Variants in PDE10A observed in about 807,000 individuals in gnomAD.
The protein encoded by PDE10A is cAMP and cAMP-inhibited cGMP 3',5'-cyclic phosphodiesterase 10A.
In PDE10A, 39 loss-of-function variants were observed where a neutral mutation model predicts 97.7. That is an observed-to-expected ratio of 0.40 (90% confidence interval 0.31 to 0.52). The LOEUF (loss-of-function observed/expected upper bound fraction) is 0.52. PDE10A is among the 20% of genes least tolerant of loss of function. The pLI is 0.56. For missense variants in PDE10A, 731 were observed against 1,047.8 expected, an observed-to-expected ratio of 0.70 and a Z score of 4.17; for synonymous variants, 371 against 376.8, an observed-to-expected ratio of 0.98 and a Z score of 0.18.
intron 1 of PDE10A, among the ~76,000 whole-genome samples, chr6:165,748,682 G>A (rs777374621): frequency 1.2e-4 from 19 of 152,212 alleles, no homozygotes; most frequent in Non-Finnish European, 2.8e-4. Flanking sequence ...GCAAGGATGA[G>A]GGGCGGTCAT....
chr6:165,800,338 G>C (rs756954810), intron 1 of PDE10A, among the ~76,000 whole-genome samples: 3 of 152,170 alleles, frequency 2.0e-5, no homozygotes, highest in Non-Finnish European at 4.4e-5. Flanking sequence ...TGCCTGTAAA[G>C]GTGTAAGGAA....
At chr6:165,855,294 G>A (rs1383877977) in intron 1 of PDE10A, among the ~76,000 whole-genome samples, 3 of 89,504 alleles carry the variant, frequency 3.4e-5, no homozygotes, top group African/African-American at 1.3e-4. Context: ...CATAGGCGGC[G>A]CGGGAAGTGG....
intron 19 of PDE10A, among the ~76,000 whole-genome samples, chr6:165,341,448 T>A (rs1432603696): frequency 6.6e-6 from 1 of 152,252 alleles, no homozygotes; most frequent in Non-Finnish European, 1.5e-5. Flanking sequence ...TCTATAGTTA[T>A]GCCTTTCTCA....
chr6:165,633,753 G>T (rs3008041), intron 1 of PDE10A, among the ~76,000 whole-genome samples: 4 of 151,296 alleles, frequency 2.6e-5, no homozygotes, highest in Non-Finnish European at 5.9e-5. Flanking sequence ...TCAGCCTCCC[G>T]AGCAGCTGGG....
chr6:165,960,550 T>TCAAAGA (rs1158776926), intron 1 of PDE10A, among the ~76,000 whole-genome samples: 8 of 152,084 alleles, frequency 5.3e-5, no homozygotes, highest in Admixed American at 3.9e-4. Context: ...TTTTAGTACA[T>TCAAAGA]CAAAGACAAA....
In PDE10A at chr6:165,709,760, G is replaced by A. The variant is rs186625885; in HGVS notation, c.-614-166192C>T. ...CTGCCAGGCTCTCCCTCTGCGAGCC[G>A]CAACCATGGCTCTTTCCTTCCCGGC... On this transcript the variant is annotated intron_variant, in intron 1 of 19. Coordinates refer to the PDE10A transcript ENST00000366882. Among the ~76,000 whole-genome samples the A allele has an allele frequency of 4.3e-5, 6 of 140,008 alleles. No homozygotes were observed. The East Asian group carries it at 6.6e-4, about 15-fold the overall frequency. 91.9% of individuals were successfully genotyped at this position (140,008 alleles called of 152,430 possible). A position where few individuals can be genotyped will look rare whatever the true frequency, so the allele number is the denominator to read the frequency against.
chr6:165,397,432 G>C (rs1206990694), intron 13 of PDE10A, among the ~76,000 whole-genome samples: 1 of 152,140 alleles, frequency 6.6e-6, no homozygotes, highest in Non-Finnish European at 1.5e-5. Flanking sequence ...AATGAAGGCT[G>C]GGCAAGGTCA....
chr6:165,431,935 C>T (rs1165794453), intron 7 of PDE10A, among the ~76,000 whole-genome samples: 1 of 152,052 alleles, frequency 6.6e-6, no homozygotes, highest in Admixed American at 6.6e-5. Flanking sequence ...ATCTAATGAC[C>T]ACTTTAAATA....
intron 1 of PDE10A, among the ~76,000 whole-genome samples, chr6:165,720,201 G>A (rs1792130805): frequency 6.6e-6 from 1 of 152,142 alleles, no homozygotes; most frequent in African/African-American, 2.4e-5. Flanking sequence ...GGGGGAGAGA[G>A]GGTGTTCCTG....
rs539590892 is a variant in PDE10A, at chr6:165,359,841, C to T, written c.2784-16339G>A. Among the ~76,000 whole-genome samples the T allele has an allele frequency of 1.3e-3, 204 of 152,130 alleles. 2 individuals carry two copies. The highest frequency in any genetic ancestry group is 4.6e-3 in the African/African-American group (191 of 41,508). On this transcript the variant is annotated intron_variant, in intron 18 of 21. Coordinates refer to ENST00000539869, the MANE Select transcript of PDE10A (RefSeq NM_001385079.1). ...TTTTTGTTTACCAGTGCATTACAAA[C>T]GTAAACTCATCCCAGTTTGTGGGCT...
At chr6:165,467,531 G>A (rs1778728448) in intron 3 of PDE10A, among the ~76,000 whole-genome samples, 1 of 152,168 alleles carries the variant, frequency 6.6e-6, no homozygotes, top group African/African-American at 2.4e-5. Flanking sequence ...GACTCTGCCT[G>A]TGTTCTAGAA....
intron 1 of PDE10A, among the ~76,000 whole-genome samples, chr6:165,915,916 C>T (rs548016881): frequency 2.6e-5 from 4 of 152,294 alleles, no homozygotes; most frequent in East Asian, 3.9e-4. Flanking sequence ...TATGCTTCTG[C>T]GACAACCAAA....
At chr6:165,887,741 T>C (rs1264625424) in intron 1 of PDE10A, among the ~76,000 whole-genome samples, 2 of 152,194 alleles carry the variant, frequency 1.3e-5, no homozygotes, top group Non-Finnish European at 2.9e-5. Context: ...GTCTCACCTT[T>C]ATCTTTATTT....
chr6:165,498,544 A>C (rs904400079), intron 2 of PDE10A, among the ~76,000 whole-genome samples: 2 of 146,732 alleles, frequency 1.4e-5, no homozygotes, highest in Non-Finnish European at 3.0e-5. Flanking sequence ...CCCAGAATGT[A>C]TTGTTCACCT....
At chr6:165,421,882 C>T (rs2128232506) in intron 10 of PDE10A, among the ~76,000 whole-genome samples, 1 of 152,152 alleles carries the variant, frequency 6.6e-6, no homozygotes, top group Middle Eastern at 3.4e-3. Context: ...GGCAACATGG[C>T]AAAACCCTGT....
intron 1 of PDE10A, among the ~76,000 whole-genome samples, chr6:165,915,835 T>C (rs1782590806): frequency 6.6e-6 from 1 of 152,252 alleles, no homozygotes; most frequent in Non-Finnish European, 1.5e-5. Flanking sequence ...CTCAGGATAC[T>C]TCAACTCTGT....
chr6:165,472,214 A>C (rs1779055477), intron 3 of PDE10A, among the ~76,000 whole-genome samples: 1 of 152,086 alleles, frequency 6.6e-6, no homozygotes, highest in Non-Finnish European at 1.5e-5. Flanking sequence ...CAATTTTGAT[A>C]ATTTGTAATT....
intron 1 of PDE10A, among the ~76,000 whole-genome samples, chr6:165,726,990 C>T (rs1792314472): frequency 1.3e-5 from 2 of 152,230 alleles, no homozygotes; most frequent in African/African-American, 2.4e-5. Flanking sequence ...GAAACGCCCC[C>T]GTGTCCACCC....
intron 10 of PDE10A, among the ~76,000 whole-genome samples, chr6:165,422,942 A>C (rs1788826417): frequency 1.3e-5 from 2 of 152,154 alleles, no homozygotes; most frequent in Admixed American, 1.3e-4. Context: ...AAGAGTAAAA[A>C]AAATTAGGAA....
Sources: gnomAD v4.1 joint callset for allele counts (sites outside exome capture counted in the v4.1 genomes callset) on GRCh38, gnomAD v4.1.1 for gene constraint, MANE v1.5 for transcripts, NCBI Gene and HGNC (gene_info 2026-07-23, HGNC 2026-07-21) for gene names.